Variants in FGF14 observed in about 807,000 individuals in gnomAD.
The protein encoded by FGF14 is fibroblast growth factor homologous factor 4.
A neutral mutation model predicts 25.5 loss-of-function variants in FGF14; 5 were observed. The ratio of observed to expected loss-of-function variants is 0.20; its 90% CI spans 0.10 to 0.41. The LOEUF is 0.41. FGF14 is among the 10% of genes least tolerant of loss of function. The pLI, the probability that FGF14 is intolerant of heterozygous loss-of-function variation, is 1.00. For missense variants in FGF14, 222 were observed against 320.1 expected (o/e 0.69, Z 2.34); for synonymous variants, 138 against 118.3 (o/e 1.17, Z -1.08).
chr13:102,303,651 G>T (rs2055202536), intron 1 of FGF14, among the ~76,000 whole-genome samples: 1 of 152,110 alleles, frequency 6.6e-6, no homozygotes, highest in African/African-American at 2.4e-5. Context: ...CTCACCAAAT[G>T]TCCCACAGCT....
chr13:101,779,072 A>G (rs916977555), intron 3 of FGF14: 2 of 152,324 alleles, frequency 1.3e-5, no homozygotes, highest in African/African-American at 4.8e-5. Flanking sequence ...CTCTGTTGTC[A>G]TAACATATGC....
intron 1 of FGF14, among the ~76,000 whole-genome samples, chr13:102,041,391 AC>A (rs1276533195): frequency 6.6e-6 from 1 of 152,082 alleles, no homozygotes; most frequent in African/African-American, 2.4e-5. Flanking sequence ...TATGACAGTT[AC>A]AAATTCAAGC....
intron 1 of FGF14, among the ~76,000 whole-genome samples, chr13:102,085,394 T>A (rs1007681283): frequency 5.9e-5 from 9 of 152,246 alleles, no homozygotes; most frequent in Non-Finnish European, 1.2e-4. Flanking sequence ...TGGTAAATGC[T>A]AGAGAAATAA....
chr13:101,719,210 T>G lies in FGF14; in HGVS notation c.*3621A>C, dbSNP rs1246532609. On this transcript the variant is annotated 3_prime_UTR_variant, in exon 5 of 5. Transcript: ENST00000376143. ...AAAGAATAAGTTTTTGGTTTTTGCT[T>G]TTAAAGACAACCAAATCTGATATTG... is the stretch of plus-strand genomic sequence containing the variant. 6.6e-6 allele frequency: 1 copy of G among 152,116 alleles called. No homozygotes were observed. The highest frequency in any genetic ancestry group is 2.4e-5 in the African/African-American group (1 of 41,426). The allele number at this position is 152,116 out of a possible 1,614,324, so 9.4% of individuals were successfully genotyped here. A position where few individuals can be genotyped will look rare whatever the true frequency, so the allele number is the denominator to read the frequency against.
At chr13:102,285,812 A>T (rs951429030) in intron 1 of FGF14, among the ~76,000 whole-genome samples, 3 of 152,230 alleles carry the variant, frequency 2.0e-5, no homozygotes, top group Non-Finnish European at 4.4e-5. Context: ...GGAAGCAAAG[A>T]GAAAGAAAGT....
intron 1 of FGF14, among the ~76,000 whole-genome samples, chr13:101,887,226 G>A (rs752948101): frequency 2.8e-4 from 43 of 151,772 alleles, no homozygotes; most frequent in Non-Finnish European, 2.9e-4. Context: ...TCTCATGTTT[G>A]TTGTATCACT....
At chr13:102,111,650 A>T (rs1221601192) in intron 1 of FGF14, among the ~76,000 whole-genome samples, 1 of 151,796 alleles carries the variant, frequency 6.6e-6, no homozygotes, top group East Asian at 1.9e-4. Flanking sequence ...CAGGAGGTGG[A>T]GGCTGCAGTG....
At chr13:101,974,768 AAG>A (rs1397420093) in intron 1 of FGF14, among the ~76,000 whole-genome samples, 2 of 152,160 alleles carry the variant, frequency 1.3e-5, no homozygotes, top group Non-Finnish European at 2.9e-5. Flanking sequence ...GTAGTACAAA[AAG>A]AATTTTTCTT....
chr13:102,052,197 T>C (rs910839962), intron 1 of FGF14, among the ~76,000 whole-genome samples: 1 of 151,940 alleles, frequency 6.6e-6, no homozygotes, highest in Non-Finnish European at 1.5e-5. Context: ...TATTTGAAAA[T>C]ATATAATCAG....
chr13:102,267,322 G>A (rs558073771), intron 1 of FGF14, among the ~76,000 whole-genome samples: 9 of 152,172 alleles, frequency 5.9e-5, no homozygotes, highest in Non-Finnish European at 8.8e-5. Context: ...GCTTAGAACA[G>A]TGTGGTGGAG....
chr13:102,118,435 A>G (rs953608406), intron 1 of FGF14, among the ~76,000 whole-genome samples: 1 of 152,082 alleles, frequency 6.6e-6, no homozygotes, highest in African/African-American at 2.4e-5. Flanking sequence ...AAAAGCCTCT[A>G]TCACCCAAAT....
chr13:101,793,337 G>T (rs971041419), intron 3 of FGF14, among the ~76,000 whole-genome samples: 38 of 152,238 alleles, frequency 2.5e-4, no homozygotes, highest in African/African-American at 9.1e-4. Context: ...GTATTTGTCT[G>T]TGTTTGGCTT....
At chr13:102,030,410 T>C (rs1020870321) in intron 1 of FGF14, among the ~76,000 whole-genome samples, 1 of 151,848 alleles carries the variant, frequency 6.6e-6, no homozygotes, top group Non-Finnish European at 1.5e-5. Context: ...TGCTGTGAAA[T>C]AGCTGCAACC....
At chr13:102,313,051 C>T (rs1364473490) in intron 1 of FGF14, among the ~76,000 whole-genome samples, 1 of 152,206 alleles carries the variant, frequency 6.6e-6, no homozygotes, top group Non-Finnish European at 1.5e-5. Context: ...TAGGAGCAGA[C>T]ATTTAGTTCA....
intron 3 of FGF14, among the ~76,000 whole-genome samples, chr13:101,813,822 C>T (rs754237013): frequency 1.3e-4 from 20 of 152,170 alleles, no homozygotes; most frequent in Non-Finnish European, 2.5e-4. Flanking sequence ...ACACTCTGTT[C>T]GCAGAGATAC....
chr13:101,955,840 C>T (rs2036479244), intron 1 of FGF14, among the ~76,000 whole-genome samples: 1 of 152,226 alleles, frequency 6.6e-6, no homozygotes, highest in Non-Finnish European at 1.5e-5. Flanking sequence ...GAGCTATTTA[C>T]CATCCAAGTT....
At chr13:102,293,461 A>C (rs1174144453) in intron 1 of FGF14, 1 of 152,226 alleles carries the variant, frequency 6.6e-6, no homozygotes, top group Non-Finnish European at 1.5e-5. Flanking sequence ...TAACATAAAG[A>C]GGCCGTAGAG....
Position 101,875,201 on chromosome 13 carries a change from C to T in FGF14, c.289G>A (p.Asp97Asn). The T allele has an allele frequency of 6.2e-7, 1 of 1,612,818 alleles. No individual in the cohort carries two copies. Among genetic ancestry groups the T allele is most frequent in the African/African-American group, 1.3e-5 (1 of 74,988 alleles). Residue 97 changes from aspartate (D) to asparagine (N), a missense_variant, in exon 2 of 5, where the codon GAC (aspartate) becomes AAC (asparagine). Transcript: ENST00000376143. ...TGTCACTTACTAGAATTAGTGCTGT[C>T]ATCCTTGGTTCCATCGAGAGCTCCA... ...PDGALDGTKD[D>N]STNSTLFNLI...
At chr13:101,902,434 A>G (rs1366052443) in intron 1 of FGF14, among the ~76,000 whole-genome samples, 1 of 152,166 alleles carries the variant, frequency 6.6e-6, no homozygotes, top group Non-Finnish European at 1.5e-5. Flanking sequence ...TGTGTGTTAT[A>G]TAGTTTCTTA....
Sources: gnomAD v4.1 joint callset for allele counts (sites outside exome capture counted in the v4.1 genomes callset) on GRCh38, gnomAD v4.1.1 for gene constraint, MANE v1.5 for transcripts, NCBI Gene and HGNC (gene_info 2026-07-23, HGNC 2026-07-21) for gene names.